SPECC1: variants seen among roughly 807,000 people sequenced by gnomAD.
The protein encoded by SPECC1 is cytospin-B.
In SPECC1, 62 loss-of-function variants were observed where a neutral mutation model predicts 104.1. That is an observed-to-expected ratio of 0.60 (90% CI 0.49 to 0.74). SPECC1 has a LOEUF of 0.74. Ranked by LOEUF, SPECC1 falls within the 30% of genes least tolerant of loss-of-function variation. The probability of loss-of-function intolerance (pLI) is 0.00; values close to 1 mark genes in which losing one functional copy is unlikely to be tolerated. For missense variants in SPECC1, 1,306 were observed against 1,310.5 expected (o/e 1.00, Z 0.05); for synonymous variants, 513 against 501.6 (o/e 1.02, Z -0.30).
chr17:20,306,089 A>G lies in SPECC1; in HGVS notation c.3117+7A>G. The G allele has an allele frequency of 3.1e-6, 5 of 1,612,884 alleles. No homozygotes were observed. Among genetic ancestry groups the G allele is most frequent in the Non-Finnish European group, 3.4e-6 (4 of 1,179,300 alleles). ...AGGCATCAAACCCAGCCTGGTACGTATCCTATTTTGTATCCTTGTGATACT... is the reference window on the plus strand; with the variant it reads ...AGGCATCAAACCCAGCCTGGTACGTGTCCTATTTTGTATCCTTGTGATACT... On this transcript the variant is annotated splice_region_variant and intron_variant, in intron 14 of 14. Transcript: ENST00000395527.
chr17:20,188,867 G>A (rs927153491), intron 3 of SPECC1, among the ~76,000 whole-genome samples: 1 of 152,068 alleles, frequency 6.6e-6, no homozygotes, highest in East Asian at 1.9e-4. Flanking sequence ...CACCCCCAAA[G>A]TGATATTAAT....
chr17:20,136,941 C>T (rs1177078372), intron 3 of SPECC1, among the ~76,000 whole-genome samples: 1 of 152,130 alleles, frequency 6.6e-6, no homozygotes. Flanking sequence ...ACTTTAGTTT[C>T]CTCCCACTAA....
intron 3 of SPECC1, among the ~76,000 whole-genome samples, chr17:20,183,072 G>T (rs1344304703): frequency 6.6e-6 from 1 of 152,200 alleles, no homozygotes; most frequent in Non-Finnish European, 1.5e-5. Flanking sequence ...TGCCAAAAGA[G>T]GTGGCGGTAG....
chr17:20,082,890 C>T (rs1354340335), intron 1 of SPECC1, among the ~76,000 whole-genome samples: 1 of 152,060 alleles, frequency 6.6e-6, no homozygotes, highest in Non-Finnish European at 1.5e-5. Context: ...CCTCCAGCAC[C>T]CACTGTGCTC....
At chr17:20,096,593 GT>G in intron 1 of SPECC1, 37 bp from the exon 2 acceptor site, 2 of 1,568,450 alleles carry the variant, frequency 1.3e-6, no homozygotes, top group South Asian at 2.3e-5. Context: ...GCAGGTTCAA[GT>G]GATGGAGACA....
At chr17:20,251,110 C>G (rs976557507) in intron 9 of SPECC1, among the ~76,000 whole-genome samples, 2 of 151,030 alleles carry the variant, frequency 1.3e-5, no homozygotes, top group Non-Finnish European at 2.9e-5. Flanking sequence ...GCCTGTAACC[C>G]CCAGCTACTT....
At chr17:20,115,335 C>A (rs928643413) in intron 3 of SPECC1, among the ~76,000 whole-genome samples, 1 of 151,838 alleles carries the variant, frequency 6.6e-6, no homozygotes, top group Non-Finnish European at 1.5e-5. Flanking sequence ...TAGCTGGGCG[C>A]GGTGGCGGGT....
chr17:20,191,425 T>G (rs2035661048), intron 3 of SPECC1, among the ~76,000 whole-genome samples: 3 of 152,178 alleles, frequency 2.0e-5, no homozygotes, highest in African/African-American at 4.8e-5. Context: ...CTAATAGTTG[T>G]GTAGTGATAT....
intron 12 of SPECC1, among the ~76,000 whole-genome samples, chr17:20,266,452 C>T (rs554019345): frequency 6.6e-6 from 1 of 152,170 alleles, no homozygotes; most frequent in African/African-American, 2.4e-5. Context: ...GGCGTGGTGG[C>T]ACGCACCTGT....
chr17:20,175,746 T>C (rs1199028547), intron 3 of SPECC1, among the ~76,000 whole-genome samples: 2 of 152,230 alleles, frequency 1.3e-5, no homozygotes, highest in Non-Finnish European at 2.9e-5. Context: ...TCCTGGAGAT[T>C]AAGTACTGGG....
chr17:20,273,561 A>G (rs1289020991), intron 12 of SPECC1, among the ~76,000 whole-genome samples: 2 of 151,876 alleles, frequency 1.3e-5, no homozygotes, highest in Non-Finnish European at 2.9e-5. Flanking sequence ...TGCATCACTC[A>G]TGCCTCCACT....
intron 1 of SPECC1, among the ~76,000 whole-genome samples, chr17:20,084,321 C>T (rs866055786): frequency 3.9e-5 from 6 of 152,082 alleles, no homozygotes; most frequent in Admixed American, 1.3e-4. Flanking sequence ...TCCAGCTACT[C>T]GGGAGGCTGA....
intron 10 of SPECC1, among the ~76,000 whole-genome samples, chr17:20,256,771 T>C (rs1305161066): frequency 6.6e-6 from 1 of 152,216 alleles, no homozygotes; most frequent in Admixed American, 6.5e-5. Flanking sequence ...TCCCAGCTAC[T>C]TGGGAGGCTG....
In SPECC1 at chr17:20,048,262, T is replaced by C. The variant is rs377119564; in HGVS notation, c.-22+38838T>C. Reference sequence around the variant, plus strand: ...CATTCTCCTGCCTCAGCTTCCCAAGTAGCTGGGACTACAGGCACCTGCCAC... The same window carrying C: ...CATTCTCCTGCCTCAGCTTCCCAAGCAGCTGGGACTACAGGCACCTGCCAC... On this transcript the variant is annotated intron_variant, in intron 1 of 14. Coordinates refer to ENST00000395527, the MANE Select transcript of SPECC1 (RefSeq NM_001243439.2). 3.3e-3 allele frequency among the ~76,000 whole-genome samples: 504 copies of C among 151,962 alleles called. 3 individuals are homozygous for C. Among genetic ancestry groups the C allele is most frequent in the African/African-American group, 0.011 (473 of 41,440 alleles).
At chr17:20,276,775 C>G (rs1364903424) in intron 12 of SPECC1, among the ~76,000 whole-genome samples, 1 of 152,194 alleles carries the variant, frequency 6.6e-6, no homozygotes, top group Non-Finnish European at 1.5e-5. Flanking sequence ...ATAAATCAAA[C>G]ACATTTTAAA....
At chr17:20,078,845 G>T (rs903159144) in intron 1 of SPECC1, among the ~76,000 whole-genome samples, 1 of 152,190 alleles carries the variant, frequency 6.6e-6, no homozygotes, top group Non-Finnish European at 1.5e-5. Context: ...CCTCTGGAGA[G>T]AGAAGTAGAC....
At chr17:20,214,835 T>G (rs746926204) in intron 4 of SPECC1, among the ~76,000 whole-genome samples, 8 of 152,124 alleles carry the variant, frequency 5.3e-5, no homozygotes, top group Non-Finnish European at 1.2e-4. Flanking sequence ...GTTAGATGTG[T>G]AGAAGGGAGG....
chr17:20,140,866 C>G (rs1246368525), intron 3 of SPECC1, among the ~76,000 whole-genome samples: 2 of 152,374 alleles, frequency 1.3e-5, no homozygotes, highest in East Asian at 3.8e-4. Context: ...AACCTTCAAG[C>G]ACTCCTCACT....
At chr17:20,289,333 G>C (rs189348225) in intron 12 of SPECC1, among the ~76,000 whole-genome samples, 2 of 152,186 alleles carry the variant, frequency 1.3e-5, no homozygotes, top group East Asian at 3.9e-4. Context: ...ATGGAGTCTT[G>C]CTCTGATGTC....
Sources: allele counts gnomAD v4.1 joint callset (sites outside exome capture counted in the v4.1 genomes callset), GRCh38; gene constraint gnomAD v4.1.1; transcripts MANE v1.5; gene names NCBI Gene and HGNC (gene_info 2026-07-23, HGNC 2026-07-21).